CBFB: variants seen among roughly 807,000 people sequenced by gnomAD.
CBFB encodes the protein core-binding factor subunit beta.
A neutral mutation model predicts 30.4 loss-of-function variants in CBFB; 9 were observed. The observed-to-expected ratio is 0.30, with a 90% CI of 0.18 to 0.52. The LOEUF (loss-of-function observed/expected upper bound fraction) is 0.52. Among genes scored for constraint, CBFB ranks in the 20% least tolerant of loss-of-function variants. The pLI is 0.97. For missense variants in CBFB, 170 were observed against 244.0 expected (o/e 0.70, Z 2.02); for synonymous variants, 94 against 84.0 (o/e 1.12, Z -0.65).
chr16:67,081,869 G>A (rs550018377), intron 4 of CBFB, among the ~76,000 whole-genome samples: 1 of 147,258 alleles, frequency 6.8e-6, no homozygotes, highest in South Asian at 2.1e-4. Flanking sequence ...GAGACAGGCT[G>A]GAGTGCAATG....
rs1966283456 is a variant in CBFB, at chr16:67,029,222, G to A, written c.-186G>A. The A allele has an allele frequency of 6.9e-6, 2 of 290,536 alleles. No homozygotes were observed. The highest frequency in any genetic ancestry group is 1.2e-5 in the Non-Finnish European group (2 of 164,862). The allele number at this position is 290,536 out of a possible 1,614,324, so 18.0% of individuals were successfully genotyped here. A position where few individuals can be genotyped will look rare whatever the true frequency, so the allele number is the denominator to read the frequency against. On this transcript the variant is annotated 5_prime_UTR_variant, in exon 1 of 6. Coordinates refer to ENST00000412916, the MANE Select transcript of CBFB (RefSeq NM_022845.3). Reference sequence around the variant, plus strand: ...CGGCGGCGGCGGCGGCGTGGGTTGGGCTCGAGCGGGCGGCGGCGCCTCAGA... The same window carrying A: ...CGGCGGCGGCGGCGGCGTGGGTTGGACTCGAGCGGGCGGCGGCGCCTCAGA...
intron 5 of CBFB, among the ~76,000 whole-genome samples, chr16:67,095,985 A>G (rs955130119): frequency 2.0e-5 from 3 of 150,950 alleles, no homozygotes; most frequent in Non-Finnish European, 3.0e-5. Context: ...GAGCCATTGC[A>G]CCCAGCCGAC....
chr16:67,093,945 C>T (rs1452133674), intron 5 of CBFB, among the ~76,000 whole-genome samples: 1 of 152,128 alleles, frequency 6.6e-6, no homozygotes, highest in East Asian at 1.9e-4. Context: ...GCTGCTTATT[C>T]AGCTGTTAAG....
At chr16:67,072,997 G>A (rs986809555) in intron 4 of CBFB, among the ~76,000 whole-genome samples, 1 of 152,142 alleles carries the variant, frequency 6.6e-6, no homozygotes, top group African/African-American at 2.4e-5. Context: ...ATAGGCATGA[G>A]CCACTGCATC....
intron 4 of CBFB, among the ~76,000 whole-genome samples, chr16:67,075,443 A>G (rs1468544535): frequency 6.6e-6 from 1 of 152,326 alleles, no homozygotes; most frequent in African/African-American, 2.4e-5. Context: ...TGAAGAAGAC[A>G]GTACCAAACA....
chr16:67,097,087 T>C (rs527554195), intron 5 of CBFB, among the ~76,000 whole-genome samples: 2 of 151,886 alleles, frequency 1.3e-5, no homozygotes, highest in Non-Finnish European at 2.9e-5. Flanking sequence ...ATACAAAAAT[T>C]AGCCAGGTGT....
chr16:67,059,213 G>T lies in CBFB; in HGVS notation c.283-7469G>T, dbSNP rs534537565. 2.7e-3 allele frequency among the ~76,000 whole-genome samples: 414 copies of T among 152,250 alleles called. 2 individuals carry two copies. Among genetic ancestry groups the T allele is most frequent in the Non-Finnish European group, 4.8e-3 (324 of 67,996 alleles). The stretch of plus-strand genomic sequence containing the variant: ...AATAAGTACCTTCCAGACCCTCAAA[G>T]AACTATTTGTACAGGTTAATACATG... On this transcript the variant is annotated intron_variant, in intron 3 of 5. Transcript: ENST00000412916.
At chr16:67,074,177 A>G (rs1347035944) in intron 4 of CBFB, among the ~76,000 whole-genome samples, 6 of 146,334 alleles carry the variant, frequency 4.1e-5, no homozygotes, top group African/African-American at 1.5e-4. Flanking sequence ...GTACACCATC[A>G]GTTACATTTC....
chr16:67,100,003 A>C lies in CBFB; in HGVS notation c.*1225A>C, dbSNP rs1962171908. ...GGTATTTTGCAAAAGGACTATTAAT[A>C]GAACCTTTTGAGATGAATTAATGTA... On this transcript the variant is annotated 3_prime_UTR_variant, in exon 6 of 6. Coordinates refer to ENST00000412916, the MANE Select transcript of CBFB (RefSeq NM_022845.3). The C allele has an allele frequency of 4.8e-6, 1 of 209,596 alleles. No individual in the cohort carries two copies. The highest frequency in any genetic ancestry group is 9.7e-6 in the Non-Finnish European group (1 of 102,964). The allele number at this position is 209,596 out of a possible 1,614,324, so 13.0% of individuals were successfully genotyped here.
chr16:67,061,674 CAGT>C (rs750974992), intron 3 of CBFB, among the ~76,000 whole-genome samples: 6 of 152,034 alleles, frequency 3.9e-5, no homozygotes, highest in African/African-American at 1.5e-4. Flanking sequence ...CTAAATAAAT[CAGT>C]AGGATCATCT....
intron 5 of CBFB, among the ~76,000 whole-genome samples, chr16:67,086,645 T>C (rs1367075304): frequency 6.6e-6 from 1 of 152,196 alleles, no homozygotes; most frequent in South Asian, 2.1e-4. Context: ...ATAATACATA[T>C]TAATGGTCTC....
At chr16:67,063,305 C>A (rs776945827) in intron 3 of CBFB, among the ~76,000 whole-genome samples, 2 of 152,012 alleles carry the variant, frequency 1.3e-5, no homozygotes, top group African/African-American at 4.8e-5. Context: ...AGAAATGGAA[C>A]CTTTTGTATT....
At chr16:67,029,855 G>A (rs369142097) in intron 2 of CBFB, 42 bp downstream of exon 2, 1 of 1,460,740 alleles carries the variant, frequency 6.8e-7, no homozygotes, top group Non-Finnish European at 9.3e-7. Flanking sequence ...CACTTGTTGC[G>A]CGGGGCCGCG....
chr16:67,059,352 G>A (rs1400082510), intron 3 of CBFB, among the ~76,000 whole-genome samples: 3 of 152,044 alleles, frequency 2.0e-5, no homozygotes, highest in Admixed American at 2.0e-4. Flanking sequence ...ACCATCTCAG[G>A]CCCTGTATTA....
At chr16:67,037,666 A>ATTTTT (rs35804914) in intron 3 of CBFB, among the ~76,000 whole-genome samples, 2 of 129,294 alleles carry the variant, frequency 1.5e-5, no homozygotes, top group African/African-American at 6.2e-5. Context: ...GATTTTGGTA[A>ATTTTT]TTTTTTTTTT....
chr16:67,078,193 T>C (rs973284296), intron 4 of CBFB, among the ~76,000 whole-genome samples: 1 of 152,218 alleles, frequency 6.6e-6, no homozygotes, highest in African/African-American at 2.4e-5. Context: ...GTCTTTCCAT[T>C]TTACCATTTG....
intron 3 of CBFB, among the ~76,000 whole-genome samples, chr16:67,058,772 G>A (rs1453358020): frequency 2.6e-5 from 4 of 152,072 alleles, no homozygotes; most frequent in Admixed American, 1.3e-4. Context: ...ACCCTCTTAC[G>A]TTTTCTTAAT....
intron 3 of CBFB, among the ~76,000 whole-genome samples, chr16:67,065,344 A>G (rs1961023015): frequency 2.6e-5 from 4 of 152,222 alleles, no homozygotes; most frequent in Non-Finnish European, 4.4e-5. Context: ...TTAATTTGTC[A>G]GTGACTTGAG....
At chr16:67,047,054 G>A (rs1966639348) in intron 3 of CBFB, among the ~76,000 whole-genome samples, 1 of 151,890 alleles carries the variant, frequency 6.6e-6, no homozygotes, top group South Asian at 2.1e-4. Context: ...GCTCATACCT[G>A]TAATCCCAGC....
Sources: allele counts gnomAD v4.1 joint callset (sites outside exome capture counted in the v4.1 genomes callset), GRCh38; gene constraint gnomAD v4.1.1; transcripts MANE v1.5; gene names NCBI Gene and HGNC (gene_info 2026-07-23, HGNC 2026-07-21).